SLC16A10: variants seen among roughly 807,000 people sequenced by gnomAD.
The protein encoded by SLC16A10 is solute carrier family 16 member 10.
A neutral mutation model predicts 40.0 loss-of-function variants in SLC16A10; 27 were observed. The observed-to-expected ratio is 0.67, with a 90% CI of 0.50 to 0.93. The LOEUF is 0.93. Among genes scored for constraint, SLC16A10 ranks in the 40% least tolerant of loss-of-function variants. SLC16A10 has a pLI of 0.00. For synonymous variants in SLC16A10, 213 were observed against 249.8 expected, an observed-to-expected ratio of 0.85 and a Z score of 1.39; for missense variants, 529 against 658.2, an observed-to-expected ratio of 0.80 and a Z score of 2.15.
At chr6:111,175,090 G>C (rs1177141066) in intron 2 of SLC16A10, among the ~76,000 whole-genome samples, 1 of 152,198 alleles carries the variant, frequency 6.6e-6, no homozygotes, top group East Asian at 1.9e-4. Context: ...GTGTCAAGTG[G>C]CAGGTCCATT....
intron 1 of SLC16A10, among the ~76,000 whole-genome samples, chr6:111,104,977 C>A (rs1009067178): frequency 6.6e-6 from 1 of 151,624 alleles, no homozygotes; most frequent in Non-Finnish European, 1.5e-5. Context: ...TTGCGTCTTC[C>A]CAAGGGTCAA....
At chr6:111,142,546 T>A (rs1349349447) in intron 1 of SLC16A10, among the ~76,000 whole-genome samples, 2 of 152,194 alleles carry the variant, frequency 1.3e-5, no homozygotes. Flanking sequence ...GAAACCTGAT[T>A]TTAAAATGTG....
At chr6:111,124,950 G>A (rs1360030736) in intron 1 of SLC16A10, among the ~76,000 whole-genome samples, 1 of 152,154 alleles carries the variant, frequency 6.6e-6, no homozygotes, top group African/African-American at 2.4e-5. Flanking sequence ...CTGTTAATTA[G>A]TAAGACTTTG....
intron 1 of SLC16A10, among the ~76,000 whole-genome samples, chr6:111,099,274 A>G (rs1463396964): frequency 2.0e-5 from 3 of 152,204 alleles, no homozygotes; most frequent in Non-Finnish European, 4.4e-5. Flanking sequence ...GCATAATTAT[A>G]TAGGAAACAT....
chr6:111,113,476 G>A (rs1318296361), intron 1 of SLC16A10, among the ~76,000 whole-genome samples: 2 of 152,070 alleles, frequency 1.3e-5, no homozygotes, highest in African/African-American at 4.8e-5. Context: ...TTTTTTTGTT[G>A]TTGTTTGTTT....
chr6:111,158,821 C>T lies in SLC16A10; in HGVS notation c.344-13874C>T, dbSNP rs1484995728. Among the ~76,000 whole-genome samples, 4 of 152,162 alleles carry T rather than the reference C, an allele frequency of 2.6e-5. No homozygotes were observed. The South Asian group carries it at 6.2e-4, about 24-fold the overall frequency. ...AAGATGTAGGCTGGTCACAGTGGCT[C>T]ATGCCTGTAATGTCAACACTTTAGG... On this transcript the variant is annotated intron_variant, in intron 1 of 5. Transcript: ENST00000368851.
Position 111,227,435 on chromosome 6 carries a change from A to G in SLC16A10, c.*5200A>G, listed in dbSNP as rs1771021894. On this transcript the variant is annotated 3_prime_UTR_variant, in exon 6 of 6. Coordinates refer to ENST00000368851, the MANE Select transcript of SLC16A10 (RefSeq NM_018593.5). ...GTGTCGGAACCACAATTATGGACCC[A>G]CCATCAATGTGCATTTTATCAGATG... The G allele has an allele frequency of 6.6e-6, 1 of 152,220 alleles. No homozygotes were observed. The highest frequency in any genetic ancestry group is 1.5e-5 in the Non-Finnish European group (1 of 68,036). The allele number at this position is 152,220 out of a possible 1,614,324, so 9.4% of individuals were successfully genotyped here.
At chr6:111,131,120 A>G (rs1486354135) in intron 1 of SLC16A10, among the ~76,000 whole-genome samples, 1 of 152,240 alleles carries the variant, frequency 6.6e-6, no homozygotes, top group African/African-American at 2.4e-5. Flanking sequence ...TTATGGCTCA[A>G]GCTGAGCTTT....
At chr6:111,185,299 T>C (rs186578651) in intron 3 of SLC16A10, among the ~76,000 whole-genome samples, 10 of 152,336 alleles carry the variant, frequency 6.6e-5, no homozygotes, top group African/African-American at 2.4e-4. Context: ...CATTCCTTCA[T>C]TGCTAATCCA....
chr6:111,220,206 C>CT (rs1409590461), intron 5 of SLC16A10, among the ~76,000 whole-genome samples: 1 of 152,182 alleles, frequency 6.6e-6, no homozygotes, highest in Non-Finnish European at 1.5e-5. Context: ...TGGGAAGTAA[C>CT]TACTTAATTG....
At chr6:111,133,805 A>G (rs185284694) in intron 1 of SLC16A10, among the ~76,000 whole-genome samples, 1 of 152,180 alleles carries the variant, frequency 6.6e-6, no homozygotes, top group Non-Finnish European at 1.5e-5. Flanking sequence ...TGAACCAAAG[A>G]GTGCCAATAT....
intron 4 of SLC16A10, among the ~76,000 whole-genome samples, chr6:111,215,668 T>A (rs1291380890): frequency 1.3e-5 from 2 of 152,204 alleles, no homozygotes; most frequent in East Asian, 3.8e-4. Context: ...TCCATGTTTA[T>A]CTCCTTTTAT....
chr6:111,209,085 T>C (rs1197728625), intron 4 of SLC16A10, among the ~76,000 whole-genome samples: 1 of 152,070 alleles, frequency 6.6e-6, no homozygotes, highest in Non-Finnish European at 1.5e-5. Context: ...CACATGCCTA[T>C]AGTCTTAGCT....
chr6:111,209,945 A>AG (rs1244684020), intron 4 of SLC16A10, among the ~76,000 whole-genome samples: 13 of 152,060 alleles, frequency 8.5e-5, no homozygotes, highest in Non-Finnish European at 1.5e-4. Flanking sequence ...GCAAGCCACA[A>AG]GGGGGGGTCT....
intron 1 of SLC16A10, among the ~76,000 whole-genome samples, chr6:111,139,913 G>T (rs1433207352): frequency 6.6e-6 from 1 of 152,012 alleles, no homozygotes; most frequent in Non-Finnish European, 1.5e-5. Context: ...CTACAACCTC[G>T]CCAGCATCTG....
chr6:111,206,780 C>T, intron 4 of SLC16A10, 45 bp downstream of exon 4: 1 of 1,582,320 alleles, frequency 6.3e-7, no homozygotes, highest in Non-Finnish European at 8.6e-7. Flanking sequence ...TTACTCTCAT[C>T]ACCCGATGTC....
chr6:111,163,823 A>C (rs968321515), intron 1 of SLC16A10, among the ~76,000 whole-genome samples: 1 of 152,234 alleles, frequency 6.6e-6, no homozygotes, highest in Non-Finnish European at 1.5e-5. Flanking sequence ...AAATTTTTAA[A>C]AAGGTAAAAA....
chr6:111,217,437 T>TTTGTTG (rs552141883), intron 4 of SLC16A10, among the ~76,000 whole-genome samples: 5 of 138,500 alleles, frequency 3.6e-5, no homozygotes, highest in Admixed American at 7.2e-5. Flanking sequence ...TTGTTCAGTT[T>TTTGTTG]TTGTTGTTGT....
At chr6:111,194,693 T>C (rs1370125705) in intron 3 of SLC16A10, among the ~76,000 whole-genome samples, 1 of 152,174 alleles carries the variant, frequency 6.6e-6, no homozygotes, top group Non-Finnish European at 1.5e-5. Context: ...TCCCAACTTG[T>C]TATCTCTGCT....
Sources: gnomAD v4.1 joint callset for allele counts (sites outside exome capture counted in the v4.1 genomes callset) on GRCh38, gnomAD v4.1.1 for gene constraint, MANE v1.5 for transcripts, NCBI Gene and HGNC (gene_info 2026-07-23, HGNC 2026-07-21) for gene names.